Variants in CD6 observed in about 807,000 individuals in gnomAD.
The protein encoded by CD6 is CD6 molecule, also known as T-cell differentiation antigen CD6.
In CD6, 53 loss-of-function variants were observed where a neutral mutation model predicts 75.3. The ratio of observed to expected loss-of-function variants is 0.70; its 90% CI spans 0.56 to 0.88. The LOEUF (loss-of-function observed/expected upper bound fraction) is 0.88. Ranked by LOEUF, CD6 falls within the 40% of genes least tolerant of loss-of-function variation. The pLI is 0.00. For missense variants in CD6, 770 were observed against 897.1 expected, an observed-to-expected ratio of 0.86 and a Z score of 1.81; for synonymous variants, 359 against 381.5, an observed-to-expected ratio of 0.94 and a Z score of 0.69.
Position 61,014,027 on chromosome 11 carries a change from C to T in CD6, c.1387+13C>T. 1 of 1,593,626 alleles carries T rather than the reference C, an allele frequency of 6.3e-7. No individual in the cohort carries two copies. On this transcript the variant is annotated intron_variant, in intron 8 of 12. Coordinates refer to ENST00000313421, the MANE Select transcript of CD6 (RefSeq NM_006725.5). ...ATCCCCAAAGAAGGTAGGATGTCCC[C>T]CATCCTGGGTGTGGGAGGGCTGGGG... is the stretch of plus-strand genomic sequence containing the variant.
intron 1 of CD6, among the ~76,000 whole-genome samples, chr11:60,984,141 T>C (rs559748519): frequency 2.4e-4 from 37 of 152,336 alleles, no homozygotes; most frequent in African/African-American, 8.9e-4. Context: ...AACATGTATC[T>C]TGTGGGTAGA....
rs557140018 is a variant in CD6, at chr11:61,003,489, T to G, written c.50-3085T>G. ...GGCTCACGCCTGTAATCCCAACAAT[T>G]TGGGAGGCTGAGGTGGGCAGATCAC... On this transcript the variant is annotated intron_variant, in intron 1 of 12. Transcript: ENST00000313421. Among the ~76,000 whole-genome samples the G allele has an allele frequency of 6.2e-4, 94 of 152,124 alleles. 1 individual carries two copies. The highest frequency in any genetic ancestry group is 2.3e-3 in the African/African-American group (94 of 41,506).
rs866989393 is a variant in CD6, at chr11:61,015,099, T to C, written c.1388-614T>C. On this transcript the variant is annotated intron_variant, in intron 8 of 12. Transcript: ENST00000313421. ...CTCCAAGGCAAAATGGGGATAATAA[T>C]GTACCCACTTCACAGAGTTATCATG... 7.0e-4 allele frequency among the ~76,000 whole-genome samples: 106 copies of C among 152,296 alleles called. No individual in the cohort carries two copies. In the Middle Eastern group the frequency reaches 0.01, roughly 15 times the overall value.
chr11:60,982,334 C>G (rs1162069718), intron 1 of CD6, among the ~76,000 whole-genome samples: 1 of 152,168 alleles, frequency 6.6e-6, no homozygotes, highest in African/African-American at 2.4e-5. Flanking sequence ...TGACTCTGTT[C>G]ATTTTACAGA....
At chr11:61,014,671 G>A (rs1370912562) in intron 8 of CD6, among the ~76,000 whole-genome samples, 2 of 151,376 alleles carry the variant, frequency 1.3e-5, no homozygotes, top group African/African-American at 4.9e-5. Context: ...GGAGGCGGAG[G>A]TTGCAGTGAG....
At position 61,007,755 on chromosome 11, in the gene CD6, C is replaced by T. The variant is rs139918339; in HGVS notation, c.314C>T (p.Pro105Leu). ...CTCGCCCCGCCGACCCCTGAGCTGC[C>T]GCCCCCGCCTGCAGCCGGGAACACC... ...SQLAPPTPEL[P>L]PPPAAGNTSV... The change falls in exon 3 of 13, where the codon CCG becomes CTG. Residue 105 changes from proline (P) to leucine (L), a missense_variant. Coordinates refer to ENST00000313421, the MANE Select transcript of CD6 (RefSeq NM_006725.5). This position sits in a 1 kb window ranked among gnomAD's most constrained non-coding sequence, Gnocchi z 4.2. 0.054 allele frequency: 78,447 copies of T among 1,449,916 alleles called. 2,412 individuals carry two copies. Among genetic ancestry groups the T allele is most frequent in the Middle Eastern group, 0.083 (388 of 4,680 alleles). 89.8% of individuals were successfully genotyped at this position (1,449,916 alleles called of 1,614,324 possible). A position where few individuals can be genotyped will look rare whatever the true frequency, so the allele number is the denominator to read the frequency against.
intron 1 of CD6, among the ~76,000 whole-genome samples, chr11:60,974,878 A>AT (rs1857310407): frequency 6.6e-6 from 1 of 152,076 alleles, no homozygotes; most frequent in Admixed American, 6.5e-5. Context: ...CAGACAATCT[A>AT]TAAGAAAGCT....
In CD6 at chr11:61,007,930, A is replaced by C; in HGVS notation, c.469+20A>C. 1.6e-6 allele frequency: 2 copies of C among 1,286,068 alleles called. No individual in the cohort carries two copies. The highest frequency in any genetic ancestry group is 2.0e-6 in the Non-Finnish European group (2 of 1,011,900). The allele number at this position is 1,286,068 out of a possible 1,614,324, so 79.7% of individuals were successfully genotyped here. A position where few individuals can be genotyped will look rare whatever the true frequency, so the allele number is the denominator to read the frequency against. ...GTGCAGGTACGAGCGCACCCCCTAC[A>C]CGGGCCCCCACCTGCCCCACTCCCC... On this transcript the variant is annotated intron_variant, in intron 3 of 12. Coordinates refer to ENST00000313421, the MANE Select transcript of CD6 (RefSeq NM_006725.5). This position sits in a 1 kb window ranked among gnomAD's most constrained non-coding sequence, Gnocchi z 4.2.
Position 61,017,339 on chromosome 11 carries a change from T to A in CD6, c.1511-140T>A, listed in dbSNP as rs1590730308. On this transcript the variant is annotated intron_variant, in intron 9 of 12. Transcript: ENST00000313421. The stretch of plus-strand genomic sequence containing the variant: ...TATGAACCTGGAATTTGATGGGAAA[T>A]GCTAAGCCCTCTCTGCCTCCGGAGT... 4 of 653,656 alleles carry A rather than the reference T, an allele frequency of 6.1e-6. No individual in the cohort carries two copies. The East Asian group carries it at 1.1e-4, about 18-fold the overall frequency. 40.5% of individuals were successfully genotyped at this position (653,656 alleles called of 1,614,324 possible).
chr11:60,985,841 C>G lies in CD6; in HGVS notation c.49+13927C>G, dbSNP rs1366665008. On this transcript the variant is annotated intron_variant, in intron 1 of 12. Transcript: ENST00000313421. Reference sequence around the variant, plus strand: ...GTGTTAGGTGTTAAAGACTAAGTAGCAGCACAATGAGACTTTCTCCTTAAT... The same window carrying G: ...GTGTTAGGTGTTAAAGACTAAGTAGGAGCACAATGAGACTTTCTCCTTAAT... Among the ~76,000 whole-genome samples, 3 of 152,216 alleles carry G rather than the reference C, an allele frequency of 2.0e-5. No homozygotes were observed. In the East Asian group the frequency reaches 5.8e-4, roughly 29 times the overall value.
intron 1 of CD6, among the ~76,000 whole-genome samples, chr11:60,987,423 A>G (rs1251349497): frequency 6.6e-6 from 1 of 152,246 alleles, no homozygotes; most frequent in Non-Finnish European, 1.5e-5. Flanking sequence ...GCCCCTATAA[A>G]GACCCTATTT....
At chr11:60,973,607 T>C (rs188383794) in intron 1 of CD6, among the ~76,000 whole-genome samples, 1 of 152,314 alleles carries the variant, frequency 6.6e-6, no homozygotes, top group Admixed American at 6.5e-5. Flanking sequence ...CAATTTCTAT[T>C]ACGCTTTAGC....
chr11:61,000,189 A>C (rs1354459231), intron 1 of CD6, among the ~76,000 whole-genome samples: 2 of 152,246 alleles, frequency 1.3e-5, no homozygotes, highest in Admixed American at 1.3e-4. Context: ...GTCTCCAGGC[A>C]GTATGGTACT....
Position 60,971,892 on chromosome 11 carries a change from A to G in CD6, c.27A>G (p.Gly9=), listed in dbSNP as rs1256351131. The change falls in exon 1 of 13, where the codon GGA becomes GGG. Residue 9 remains glycine (G), a synonymous_variant. Coordinates refer to ENST00000313421, the MANE Select transcript of CD6 (RefSeq NM_006725.5). ...TGTGGCTCTTCTTCGGGATCACTGG[A>G]TTGCTGACGGCAGCCCTCTCAGGTA... is the stretch of plus-strand genomic sequence containing the variant. MWLFFGIT[G]LLTAALSGHP... 3 of 1,613,882 alleles carry G rather than the reference A, an allele frequency of 1.9e-6. 1 individual carries two copies. The South Asian group carries it at 3.3e-5, about 18-fold the overall frequency.
intron 6 of CD6, among the ~76,000 whole-genome samples, chr11:61,012,288 A>G (rs1404776739): frequency 6.6e-6 from 1 of 152,218 alleles, no homozygotes; most frequent in Non-Finnish European, 1.5e-5. Context: ...AAGGGCAAAG[A>G]GTGAAGCACA....
chr11:61,008,019 C>A, intron 3 of CD6, 109 bp downstream of exon 3: 1 of 658,548 alleles, frequency 1.5e-6, no homozygotes, highest in Non-Finnish European at 2.2e-6. Context: ...CAGACCTCCA[C>A]CCCCACCGCC....
chr11:61,018,370 C>A lies in CD6; in HGVS notation c.1919C>A (p.Ser640Ter). ...TTCCAGCCACCACCCCAGCCCCCTT[C>A]GGAGGAGCAGTTTGGCTGTCCAGGT... ...QNFQPPPQPP[S>*]EEQFGCPGSP... Residue 640 changes from serine to a stop codon, truncating the protein, a stop_gained, in exon 12 of 13, where the codon TCG becomes TAG. Coordinates refer to ENST00000313421, the MANE Select transcript of CD6 (RefSeq NM_006725.5). LOFTEE classifies it low-confidence loss of function (END_TRUNC). The A allele has an allele frequency of 6.3e-7, 1 of 1,599,960 alleles. No individual in the cohort carries two copies. Among genetic ancestry groups the A allele is most frequent in the East Asian group, 2.2e-5 (1 of 44,458 alleles).
chr11:60,976,796 C>T (rs79133440), intron 1 of CD6, among the ~76,000 whole-genome samples: 6,564 of 152,212 alleles, frequency 0.043, 158 homozygotes, highest in Middle Eastern at 0.12. Flanking sequence ...AACTCTGAAT[C>T]CAAGTTATAC....
chr11:60,990,118 C>T (rs185796019), intron 1 of CD6, among the ~76,000 whole-genome samples: 1 of 151,936 alleles, frequency 6.6e-6, no homozygotes, highest in Admixed American at 6.6e-5. Flanking sequence ...TCAATAGCTA[C>T]CTTCAAAGAT....
Sources: gnomAD v4.1 joint callset for allele counts (sites outside exome capture counted in the v4.1 genomes callset) on GRCh38, gnomAD v4.1.1 for gene constraint, Gnocchi (gnomAD v3.1) non-coding constraint, MANE v1.5 for transcripts, NCBI Gene and HGNC (gene_info 2026-07-23, HGNC 2026-07-21) for gene names.